Variants in RNF38 observed in about 807,000 individuals in gnomAD.
RNF38 encodes ring finger protein 38, also known as E3 ubiquitin-protein ligase RNF38.
A neutral mutation model predicts 67.2 loss-of-function variants in RNF38; 15 were observed. The ratio of observed to expected loss-of-function variants is 0.22; its 90% CI spans 0.15 to 0.34. The LOEUF (loss-of-function observed/expected upper bound fraction) is 0.34. Among genes scored for constraint, RNF38 ranks in the 10% least tolerant of loss-of-function variants. RNF38 has a pLI of 1.00. For synonymous variants in RNF38, 220 were observed against 218.8 expected (o/e 1.01, Z -0.05); for missense variants, 524 against 639.9 (o/e 0.82, Z 1.95).
chr9:36,428,010 A>C (rs145606774), intron 1 of RNF38, among the ~76,000 whole-genome samples: 112 of 151,668 alleles, frequency 7.4e-4, no homozygotes, highest in Non-Finnish European at 1.4e-3. Flanking sequence ...GCACCCAGAC[A>C]AATTTCTCAG....
intron 1 of RNF38, among the ~76,000 whole-genome samples, chr9:36,482,213 C>T (rs1011541925): frequency 6.6e-6 from 1 of 151,698 alleles, no homozygotes; most frequent in African/African-American, 2.4e-5. Flanking sequence ...GCCACCACGC[C>T]TGGCTAATTT....
In RNF38 at chr9:36,381,535, C is replaced by T. The variant is rs535048198; in HGVS notation, c.163-5408G>A. 3.9e-5 allele frequency among the ~76,000 whole-genome samples: 6 copies of T among 152,300 alleles called. No individual in the cohort carries two copies. The South Asian group carries it at 1.2e-3, about 32-fold the overall frequency. ...AAACAGGACCTAAGGCCAAGCCAGA[C>T]AAGGGTTAACTCACACACCCCTACA... is the stretch of plus-strand genomic sequence containing the variant. On this transcript the variant is annotated intron_variant, in intron 2 of 11. Coordinates refer to ENST00000259605, the MANE Select transcript of RNF38 (RefSeq NM_022781.5).
intron 1 of RNF38, among the ~76,000 whole-genome samples, chr9:36,461,221 A>AAAAC (rs755159788): frequency 7.2e-5 from 11 of 152,220 alleles, no homozygotes; most frequent in African/African-American, 2.2e-4. Context: ...ACTCCATCTC[A>AAAAC]AAACAAACAA....
At chr9:36,443,806 G>A (rs527305044) in intron 1 of RNF38, among the ~76,000 whole-genome samples, 1 of 152,338 alleles carries the variant, frequency 6.6e-6, no homozygotes, top group East Asian at 1.9e-4. Flanking sequence ...AGAGCGAGTG[G>A]AGAGAAAACA....
chr9:36,436,402 CTAT>C (rs1226516250), intron 1 of RNF38, among the ~76,000 whole-genome samples: 8 of 152,092 alleles, frequency 5.3e-5, no homozygotes, highest in African/African-American at 1.9e-4. Flanking sequence ...AGATAACTGC[CTAT>C]TATTAAAATA....
At chr9:36,437,539 T>C (rs1839097767) in intron 1 of RNF38, among the ~76,000 whole-genome samples, 1 of 147,686 alleles carries the variant, frequency 6.8e-6, no homozygotes, top group Admixed American at 6.9e-5. Flanking sequence ...GACAAATTTA[T>C]AGAAGGAGCA....
At chr9:36,370,921 G>A (rs1285958344) in intron 3 of RNF38, among the ~76,000 whole-genome samples, 2 of 151,850 alleles carry the variant, frequency 1.3e-5, no homozygotes, top group Non-Finnish European at 2.9e-5. Flanking sequence ...AAAAAAAAGA[G>A]AGGGAGAGAA....
At chr9:36,378,039 T>C (rs1835909447) in intron 2 of RNF38, among the ~76,000 whole-genome samples, 1 of 151,788 alleles carries the variant, frequency 6.6e-6, no homozygotes, top group South Asian at 2.1e-4. Context: ...AAATAACCAC[T>C]GAAATTTAAA....
At chr9:36,419,002 GAA>G (rs1426554100) in intron 2 of RNF38, among the ~76,000 whole-genome samples, 1 of 151,978 alleles carries the variant, frequency 6.6e-6, no homozygotes, top group Non-Finnish European at 1.5e-5. Context: ...AAAAGATCAA[GAA>G]AAAGGAAGTA....
At chr9:36,400,879 GC>G (rs1027788578), upstream of RNF38, 8 of 984,358 alleles carry the variant, frequency 8.1e-6, no homozygotes, top group African/African-American at 1.2e-4. Flanking sequence ...CGCACTAGGG[GC>G]CCGGCCCGGC....
intron 3 of RNF38, among the ~76,000 whole-genome samples, chr9:36,371,658 G>C (rs1835385885): frequency 1.3e-5 from 2 of 151,788 alleles, no homozygotes; most frequent in African/African-American, 2.4e-5. Flanking sequence ...CACCATGTTG[G>C]CCAAGCTGGT....
At chr9:36,423,724 C>A (rs1225157606) in intron 2 of RNF38, among the ~76,000 whole-genome samples, 1 of 26,196 alleles carries the variant, frequency 3.8e-5, no homozygotes, top group African/African-American at 1.2e-4. Context: ...CCGAGGCGGG[C>A]GGATCACGAG....
At chr9:36,342,280 A>G (rs769285038) in intron 11 of RNF38, 45 bp downstream of exon 11, 2 of 1,356,638 alleles carry the variant, frequency 1.5e-6, no homozygotes, top group Non-Finnish European at 2.1e-6. Context: ...GGTCAATAAA[A>G]TAGAAAATTC....
chr9:36,479,846 T>C (rs1206614555), intron 1 of RNF38, among the ~76,000 whole-genome samples: 3 of 152,170 alleles, frequency 2.0e-5, no homozygotes. Flanking sequence ...CCTGTAGTAA[T>C]CCTAGCACTT....
At chr9:36,371,993 C>T (rs1286478720) in intron 3 of RNF38, among the ~76,000 whole-genome samples, 1 of 150,896 alleles carries the variant, frequency 6.6e-6, no homozygotes, top group Admixed American at 6.6e-5. Flanking sequence ...TGCAGTGGCC[C>T]GATCTCGGCT....
chr9:36,353,949 A>C (rs1403647088), intron 6 of RNF38, among the ~76,000 whole-genome samples: 1 of 152,210 alleles, frequency 6.6e-6, no homozygotes, highest in Non-Finnish European at 1.5e-5. Context: ...AACACTGGGA[A>C]ACAAGAGGGA....
At chr9:36,345,006 A>G in intron 9 of RNF38, 53 bp from the exon 10 acceptor site, 2 of 1,577,066 alleles carry the variant, frequency 1.3e-6, no homozygotes, top group Middle Eastern at 1.7e-4. Context: ...TTTGCATTCC[A>G]ATACTTTTTT....
At chr9:36,473,225 C>T (rs10814390) in intron 1 of RNF38, among the ~76,000 whole-genome samples, 24,896 of 151,430 alleles carry the variant, frequency 0.16, 2,250 homozygotes, top group Admixed American at 0.22. Context: ...ACTCAGGAGG[C>T]TGAGGCAGGA....
At chr9:36,487,565 G>A, upstream of RNF38, 1 of 980,922 alleles carries the variant, frequency 1.0e-6, no homozygotes, top group South Asian at 4.5e-5. Context: ...GCTCATGGCG[G>A]GGCCGCGAGC....
Sources: gnomAD v4.1 joint callset for allele counts (sites outside exome capture counted in the v4.1 genomes callset) on GRCh38, gnomAD v4.1.1 for gene constraint, MANE v1.5 for transcripts, NCBI Gene and HGNC (gene_info 2026-07-23, HGNC 2026-07-21) for gene names.